PRR12: variants seen among roughly 807,000 people sequenced by gnomAD.
PRR12 encodes the protein proline-rich protein 12.
A neutral mutation model predicts 138.0 loss-of-function variants in PRR12; 12 were observed. That is an observed-to-expected ratio of 0.09 (90% CI 0.06 to 0.14). PRR12 has a LOEUF of 0.14. Ranked by LOEUF, PRR12 falls within the 10% of genes least tolerant of loss-of-function variation. The pLI is 1.00. For missense variants in PRR12, 2,692 were observed against 2,861.3 expected (o/e 0.94, Z 1.35); for synonymous variants, 1,567 against 1,291.7 (o/e 1.21, Z -4.57).
chr19:49,591,539 G>A lies in PRR12; in HGVS notation c.-116G>A, dbSNP rs2080725925. On this transcript the variant is annotated 5_prime_UTR_variant, in exon 1 of 14. Coordinates refer to ENST00000418929, the MANE Select transcript of PRR12 (RefSeq NM_020719.3). ...GGCTGCAAAGAAAAAAAGAGAGAGA[G>A]AAAAGGGGGGAAAAAAAAGCAGCAG... The A allele has an allele frequency of 3.6e-6, 2 of 554,426 alleles. No individual in the cohort carries two copies. Among genetic ancestry groups the A allele is most frequent in the Non-Finnish European group, 2.8e-6 (1 of 353,524 alleles). 34.3% of individuals were successfully genotyped at this position (554,426 alleles called of 1,614,324 possible).
intron 6 of PRR12, among the ~76,000 whole-genome samples, chr19:49,608,005 G>C (rs114785904): frequency 0.012 from 1,885 of 152,044 alleles, 22 homozygotes; most frequent in African/African-American, 0.04. Flanking sequence ...GGCAACAAGC[G>C]TGAAACTGAG....
In PRR12 at chr19:49,625,641, C is replaced by T; in HGVS notation, c.*34C>T. The stretch of plus-strand genomic sequence containing the variant: ...CAGCTTGTGAGGGGGGCGCCTCCTC[C>T]ATGAACCGAGAATTGGGACAGAACC... On this transcript the variant is annotated 3_prime_UTR_variant, in exon 14 of 14. Coordinates refer to ENST00000418929, the MANE Select transcript of PRR12 (RefSeq NM_020719.3). The surrounding 1 kb of genome is among the most constrained non-coding windows in gnomAD (Gnocchi z 5.5). 2 of 1,569,720 alleles carry T rather than the reference C, an allele frequency of 1.3e-6. No individual in the cohort carries two copies. The highest frequency in any genetic ancestry group is 1.7e-6 in the Non-Finnish European group (2 of 1,158,442).
chr19:49,625,654 T>C lies in PRR12; in HGVS notation c.*47T>C, dbSNP rs1330152068. On this transcript the variant is annotated 3_prime_UTR_variant, in exon 14 of 14. Coordinates refer to ENST00000418929, the MANE Select transcript of PRR12 (RefSeq NM_020719.3). The surrounding 1 kb of genome is among the most constrained non-coding windows in gnomAD (Gnocchi z 5.5). Reference sequence around the variant, plus strand: ...GGGCGCCTCCTCCATGAACCGAGAATTGGGACAGAACCGTGTCCTCAGGAG... The same window carrying C: ...GGGCGCCTCCTCCATGAACCGAGAACTGGGACAGAACCGTGTCCTCAGGAG... 3.8e-6 allele frequency: 6 copies of C among 1,559,120 alleles called. No individual in the cohort carries two copies. The highest frequency in any genetic ancestry group is 5.2e-6 in the Non-Finnish European group (6 of 1,154,310).
At chr19:49,601,015 A>G (rs1292620439) in intron 5 of PRR12, among the ~76,000 whole-genome samples, 1 of 152,100 alleles carries the variant, frequency 6.6e-6, no homozygotes, top group African/African-American at 2.4e-5. Context: ...ATGAGCCACC[A>G]TGCCTGCCCT....
In PRR12 at chr19:49,594,584, C is replaced by T. The variant is rs1169535523; in HGVS notation, c.330C>T (p.Leu110=). The part of the protein sequence containing the change: ...PQPGPSASSL[L]SQFRSPSWQT... Reference sequence around the variant, plus strand: ...CTGGCCCCTCCGCCTCCTCTCTCCTCTCCCAGTTCCGCAGTCCTTCCTGGC... The same window carrying T: ...CTGGCCCCTCCGCCTCCTCTCTCCTTTCCCAGTTCCGCAGTCCTTCCTGGC... The change falls in exon 3 of 14, where the codon CTC becomes CTT. Residue 110 remains leucine, a synonymous_variant. Coordinates refer to ENST00000418929, the MANE Select transcript of PRR12 (RefSeq NM_020719.3). This position sits in a 1 kb window ranked among gnomAD's most constrained non-coding sequence, Gnocchi z 5.6. 5 of 1,612,872 alleles carry T rather than the reference C, an allele frequency of 3.1e-6. No homozygotes were observed. Among genetic ancestry groups the T allele is most frequent in the South Asian group, 1.1e-5 (1 of 91,016 alleles).
At chr19:49,622,155 C>CT (rs1377756513) in intron 11 of PRR12, among the ~76,000 whole-genome samples, 2 of 152,132 alleles carry the variant, frequency 1.3e-5, no homozygotes, top group African/African-American at 4.8e-5. Context: ...GAATGTTATT[C>CT]TGGCTTTGAG....
In PRR12 at chr19:49,625,382, C is replaced by G; in HGVS notation, c.5965-79C>G. On this transcript the variant is annotated intron_variant, in intron 13 of 13. Transcript: ENST00000418929. The surrounding 1 kb of genome is among the most constrained non-coding windows in gnomAD (Gnocchi z 5.5). ...CCCTGGGACACTGACATCTGACACC[C>G]CAGGCCCCATGCCCCAGCCCCTTCC... 6.8e-7 allele frequency: 1 copy of G among 1,480,400 alleles called. No homozygotes were observed. The highest frequency in any genetic ancestry group is 1.3e-5 in the South Asian group (1 of 76,418). The allele number at this position is 1,480,400 out of a possible 1,614,324, so 91.7% of individuals were successfully genotyped here. A position where few individuals can be genotyped will look rare whatever the true frequency, so the allele number is the denominator to read the frequency against.
Position 49,625,274 on chromosome 19 carries a change from A to G in PRR12, c.5964+74A>G. 1 of 1,536,024 alleles carries G rather than the reference A, an allele frequency of 6.5e-7. No homozygotes were observed. The highest frequency in any genetic ancestry group is 9.0e-7 in the Non-Finnish European group (1 of 1,116,226). On this transcript the variant is annotated intron_variant, in intron 13 of 13. Transcript: ENST00000418929. The surrounding 1 kb of genome is among the most constrained non-coding windows in gnomAD (Gnocchi z 5.5). ...ACTTCCTCTTGGGATCTGAGGGTCC[A>G]AGCCCAGCCCCATCCTGCCTCAGAC... is the stretch of plus-strand genomic sequence containing the variant.
Position 49,625,367 on chromosome 19 carries a change from C to T in PRR12, c.5965-94C>T. On this transcript the variant is annotated intron_variant, in intron 13 of 13. Coordinates refer to ENST00000418929, the MANE Select transcript of PRR12 (RefSeq NM_020719.3). This position sits in a 1 kb window ranked among gnomAD's most constrained non-coding sequence, Gnocchi z 5.5. ...CCCCAGCCCTGGTCTCCCTGGGACA[C>T]TGACATCTGACACCCCAGGCCCCAT... The T allele has an allele frequency of 4.8e-6, 7 of 1,450,434 alleles. No homozygotes were observed. Among genetic ancestry groups the T allele is most frequent in the Admixed American group, 2.1e-5 (1 of 47,376 alleles). 89.8% of individuals were successfully genotyped at this position (1,450,434 alleles called of 1,614,324 possible). A position where few individuals can be genotyped will look rare whatever the true frequency, so the allele number is the denominator to read the frequency against.
In PRR12 at chr19:49,601,615, C is replaced by T; in HGVS notation, c.4470C>T (p.Ala1490=). Residue 1490 remains alanine, a synonymous_variant, in exon 6 of 14, where the codon GCC becomes GCT. Coordinates refer to ENST00000418929, the MANE Select transcript of PRR12 (RefSeq NM_020719.3). ...PALPSPPPLV[A]PTPSSPPPPP... ...TGCCCTCGCCACCCCCGCTGGTGGC[C>T]CCCACGCCCAGCTCACCACCGCCAC... 1.3e-6 allele frequency: 2 copies of T among 1,542,030 alleles called. No homozygotes were observed. Among genetic ancestry groups the T allele is most frequent in the African/African-American group, 1.4e-5 (1 of 72,694 alleles).
chr19:49,621,755 T>C (rs2080924813), intron 11 of PRR12, 133 bp downstream of exon 11: 2 of 719,608 alleles, frequency 2.8e-6, no homozygotes, highest in African/African-American at 3.5e-5. Context: ...GGGAGAAAAG[T>C]TGAGGGCAGG....
chr19:49,613,747 G>T (rs1265133734), intron 6 of PRR12, among the ~76,000 whole-genome samples: 1 of 152,168 alleles, frequency 6.6e-6, no homozygotes, highest in Admixed American at 6.6e-5. Flanking sequence ...TACCTGAGAA[G>T]GCTTTTTCAG....
intron 2 of PRR12, among the ~76,000 whole-genome samples, chr19:49,593,656 C>T (rs11671198): frequency 1.3e-5 from 2 of 152,110 alleles, no homozygotes; most frequent in Non-Finnish European, 2.9e-5. Flanking sequence ...TCCCCTTTCG[C>T]TCCAATTGGC....
At chr19:49,618,694 CTT>C in intron 9 of PRR12, among the ~76,000 whole-genome samples, 1 of 152,072 alleles carries the variant, frequency 6.6e-6, no homozygotes, top group East Asian at 1.9e-4. Flanking sequence ...CGGCCTTCCT[CTT>C]TTCTTTTTCT....
At position 49,599,849 on chromosome 19, in the gene PRR12, C is replaced by G; in HGVS notation, c.4256C>G (p.Pro1419Arg). The change falls in exon 5 of 14, where the codon CCA becomes CGA. Residue 1419 changes from proline to arginine, a missense_variant. By Grantham distance (103) the Pro-to-Arg change is moderately radical (BLOSUM62 -2). Transcript: ENST00000418929. The surrounding 1 kb of genome is among the most constrained non-coding windows in gnomAD (Gnocchi z 5.0). Reference protein sequence around the residue: ...PLAGPKDTSTPDGPPLAPAAA... With the variant: ...PLAGPKDTSTRDGPPLAPAAA... ...GCTGGGCCAAAAGACACTTCCACCC[C>G]AGATGGGCCGCCCTTGGCCCCCGCG... 2 of 1,613,310 alleles carry G rather than the reference C, an allele frequency of 1.2e-6. No homozygotes were observed. The highest frequency in any genetic ancestry group is 1.7e-6 in the Non-Finnish European group (2 of 1,179,882).
At chr19:49,621,371 C>A (rs887736324) in intron 10 of PRR12, among the ~76,000 whole-genome samples, 154 bp from the exon 11 acceptor site, 1 of 151,486 alleles carries the variant, frequency 6.6e-6, no homozygotes, top group African/African-American at 2.4e-5. Context: ...GAGCTGGGGC[C>A]TGGACTCCTG....
At chr19:49,615,703 T>C (rs1471855388) in intron 8 of PRR12, 44 bp from the exon 9 acceptor site, 4 of 1,533,768 alleles carry the variant, frequency 2.6e-6, no homozygotes, top group Non-Finnish European at 2.7e-6. Context: ...GAATTTGGAT[T>C]ATTGGGGGCT....
rs551832469 is a variant in PRR12, at chr19:49,624,753, G to A, written c.5722-91G>A. The A allele has an allele frequency of 1.3e-4, 196 of 1,526,730 alleles. 4 individuals carry two copies. In the South Asian group the frequency reaches 2.1e-3, roughly 16 times the overall value. 94.6% of individuals were successfully genotyped at this position (1,526,730 alleles called of 1,614,324 possible). A position where few individuals can be genotyped will look rare whatever the true frequency, so the allele number is the denominator to read the frequency against. The stretch of plus-strand genomic sequence containing the variant: ...TGTCTCTCCTGATCTGCAGCCTGGG[G>A]GAAACTGAGGCACAGATCTGAGACC... On this transcript the variant is annotated intron_variant, in intron 11 of 13. Coordinates refer to ENST00000418929, the MANE Select transcript of PRR12 (RefSeq NM_020719.3).
In PRR12 at chr19:49,591,732, G is replaced by A. The variant is rs911026973; in HGVS notation, c.78G>A (p.Ala26=). The A allele has an allele frequency of 1.9e-5, 28 of 1,497,424 alleles. No homozygotes were observed. The African/African-American group carries it at 2.7e-4, about 15-fold the overall frequency. The allele number at this position is 1,497,424 out of a possible 1,614,324, so 92.8% of individuals were successfully genotyped here. ...CGGGATGGAGTTACGAGAGGTCAGC[G>A]AAAGCTAGGTAAGGAGCTGAGGGTG... The part of the protein sequence containing the change: ...AGAGWSYERS[A]KASLVYGSSR... The change falls in exon 1 of 14, where the codon GCG becomes GCA. Residue 26 remains alanine, a synonymous_variant. Transcript: ENST00000418929.
Sources: gnomAD v4.1 joint callset for allele counts (sites outside exome capture counted in the v4.1 genomes callset) on GRCh38, gnomAD v4.1.1 for gene constraint, Gnocchi (gnomAD v3.1) non-coding constraint, MANE v1.5 for transcripts, NCBI Gene and HGNC (gene_info 2026-07-23, HGNC 2026-07-21) for gene names.